Variants in UNK observed in about 807,000 individuals in gnomAD.
The protein encoded by UNK is unk zinc finger, also known as RING finger protein unkempt homolog.
UNK carries 32 observed loss-of-function variants against 97.6 expected under a neutral mutation model. The ratio of observed to expected loss-of-function variants is 0.33; its 90% CI spans 0.25 to 0.44. UNK has a LOEUF of 0.44. UNK is among the 20% of genes least tolerant of loss of function. The pLI is 1.00. For synonymous variants in UNK, 441 were observed against 461.2 expected (o/e 0.96, Z 0.56); for missense variants, 771 against 1,098.4 (o/e 0.70, Z 4.21).
chr17:75,823,342 C>G lies in UNK; in HGVS notation c.2097C>G (p.Ala699=), dbSNP rs2062086948. 1 of 1,611,520 alleles carries G rather than the reference C, an allele frequency of 6.2e-7. No homozygotes were observed. Among genetic ancestry groups the G allele is most frequent in the African/African-American group, 1.3e-5 (1 of 74,928 alleles). Reference sequence around the variant, plus strand: ...CGGCGGGCGCCGAGTGCGAGCTGGCCCGGGAGCAGCGGGATGCACTGGAGG... The same window carrying G: ...CGGCGGGCGCCGAGTGCGAGCTGGCGCGGGAGCAGCGGGATGCACTGGAGG... ...ASAAGAECEL[A]REQRDALEVQ... The change falls in exon 15 of 16, where the codon GCC becomes GCG. Residue 699 remains alanine (A), a synonymous_variant. Transcript: ENST00000589666.
intron 1 of UNK, among the ~76,000 whole-genome samples, chr17:75,803,830 A>G (rs939661370): frequency 6.6e-6 from 1 of 152,206 alleles, no homozygotes; most frequent in Non-Finnish European, 1.5e-5. Context: ...AATTTTCTGA[A>G]TGAGGAGAAT....
At chr17:75,785,115 G>A (rs1437712192) in intron 1 of UNK, 131 bp downstream of exon 1, 1 of 605,018 alleles carries the variant, frequency 1.7e-6, no homozygotes, top group Non-Finnish European at 2.8e-6. Context: ...GGCCCAGACC[G>A]GTTCCAACCT....
At chr17:75,792,675 A>G (rs1387358481) in intron 1 of UNK, 1 of 177,558 alleles carries the variant, frequency 5.6e-6, no homozygotes, top group African/African-American at 2.4e-5. Context: ...CTGTGGAGAA[A>G]GTGCATGGGA....
At chr17:75,821,581 T>C (rs1386997743) in intron 13 of UNK, 2 of 456,308 alleles carry the variant, frequency 4.4e-6, no homozygotes, top group Non-Finnish European at 8.8e-6. Flanking sequence ...ACCATGTCCC[T>C]CCTCTGTGGG....
chr17:75,792,954 C>T (rs979990931), intron 1 of UNK, among the ~76,000 whole-genome samples: 60 of 152,214 alleles, frequency 3.9e-4, no homozygotes, highest in Admixed American at 3.8e-3. Flanking sequence ...CTGTGGTTTG[C>T]GCAAAGCTCC....
intron 2 of UNK, 105 bp from the exon 3 acceptor site, chr17:75,812,004 CAAA>C (rs1213810774): frequency 8.4e-5 from 113 of 1,347,558 alleles, no homozygotes; most frequent in Non-Finnish European, 3.5e-5. Flanking sequence ...ACAAAACAAA[CAAA>C]CAACAACAAC....
intron 1 of UNK, among the ~76,000 whole-genome samples, chr17:75,798,508 G>A (rs1177713493): frequency 6.6e-6 from 1 of 151,810 alleles, no homozygotes; most frequent in Non-Finnish European, 1.5e-5. Context: ...CCAAACCACG[G>A]TTAATTTTTG....
At chr17:75,797,937 A>G (rs1359609859) in intron 1 of UNK, among the ~76,000 whole-genome samples, 2 of 152,164 alleles carry the variant, frequency 1.3e-5, no homozygotes, top group African/African-American at 4.8e-5. Context: ...TCTGGAGGCC[A>G]TCATTGTCTT....
intron 1 of UNK, among the ~76,000 whole-genome samples, chr17:75,798,939 C>T (rs1460358421): frequency 9.9e-5 from 15 of 151,882 alleles, no homozygotes; most frequent in Non-Finnish European, 7.4e-5. Flanking sequence ...TGGTGGCGGG[C>T]GCCTGTAGTC....
rs1336853315 is a variant in UNK at position 75,817,303 on chromosome 17, C to T, written c.1105-23C>T. 1.0e-5 allele frequency: 16 copies of T among 1,545,670 alleles called. No individual in the cohort carries two copies. In the East Asian group the frequency reaches 3.6e-4, roughly 35 times the overall value. On this transcript the variant is annotated intron_variant, in intron 8 of 15. Coordinates refer to ENST00000589666, the MANE Select transcript of UNK (RefSeq NM_001080419.3). This position sits in a 1 kb window ranked among gnomAD's most constrained non-coding sequence, Gnocchi z 5.8. ...AGCCTGCGCTGTGCCCACGGGCCCA[C>T]TCCCTCCCCTCCTTCTCCGCAGCTC...
rs774903801 is a variant in UNK, at chr17:75,809,817, G to A, written c.162G>A (p.Thr54=). The A allele has an allele frequency of 6.2e-6, 10 of 1,613,488 alleles. No homozygotes were observed. The East Asian group carries it at 6.7e-5, about 11-fold the overall frequency. The change falls in exon 2 of 16, where the codon ACG becomes ACA. Residue 54 remains threonine (T), a synonymous_variant. Transcript: ENST00000589666. ...QCPLFVQHKC[T]QHRPYTCFHW... The stretch of plus-strand genomic sequence containing the variant: ...CACTCTTTGTGCAACACAAATGCAC[G>A]CAGCATCGGCCCTACACCTGCTTCC...
In UNK at chr17:75,816,910, G is replaced by A. The variant is rs774383921; in HGVS notation, c.1102G>A (p.Ala368Thr). The change falls in exon 8 of 16, where the codon GCC (alanine) becomes ACC (threonine). Residue 368 changes from alanine (A) to threonine (T), a missense_variant and splice_region_variant. This residue lies in a region of UNK where 192 missense variants were observed against 202.4 expected (regional missense o/e 0.95). Transcript: ENST00000589666. The surrounding 1 kb of genome is among the most constrained non-coding windows in gnomAD (Gnocchi z 4.0). ...CAGCCCGCATGCCCCTGACCTCAGTGCCGTACGTGTCCATCCTGGGGAGTG... is the reference window on the plus strand; with the variant it reads ...CAGCCCGCATGCCCCTGACCTCAGTACCGTACGTGTCCATCCTGGGGAGTG... ...PSSPHAPDLSALLCRNSSLGS... is the reference protein window; with the variant it reads ...PSSPHAPDLSTLLCRNSSLGS... The A allele has an allele frequency of 1.7e-5, 27 of 1,601,526 alleles. No homozygotes were observed. Among genetic ancestry groups the A allele is most frequent in the Non-Finnish European group, 2.3e-5 (27 of 1,178,260 alleles).
At position 75,818,995 on chromosome 17, in the gene UNK, GC is replaced by G; in HGVS notation, c.1546+181del. On this transcript the variant is annotated intron_variant, in intron 11 of 15. Transcript: ENST00000589666. This position sits in a 1 kb window ranked among gnomAD's most constrained non-coding sequence, Gnocchi z 5.1. ...AGGGGAAATGACCCCAAGGTGTAGG[GC>G]CAGGACTGACCCTTAGAGCTCCTTT... 1 of 701,904 alleles carries G rather than the reference GC, an allele frequency of 1.4e-6. No homozygotes were observed. The highest frequency in any genetic ancestry group is 2.2e-6 in the Non-Finnish European group (1 of 450,174). The allele number at this position is 701,904 out of a possible 1,614,324, so 43.5% of individuals were successfully genotyped here.
chr17:75,793,806 A>G, intron 1 of UNK: 5 of 985,448 alleles, frequency 5.1e-6, no homozygotes, highest in South Asian at 4.7e-5. Flanking sequence ...CCACCTTCCT[A>G]TGAAATTTTG....
chr17:75,822,179 C>T (rs1311951205), intron 13 of UNK, among the ~76,000 whole-genome samples: 1 of 152,246 alleles, frequency 6.6e-6, no homozygotes, highest in Non-Finnish European at 1.5e-5. Context: ...CTTCCTGAGT[C>T]CCCTGAGTTA....
chr17:75,791,767 A>G, intron 1 of UNK: 1 of 985,372 alleles, frequency 1.0e-6, no homozygotes, highest in Non-Finnish European at 1.2e-6. Context: ...CAGCTATGTT[A>G]GATACTAAAG....
chr17:75,800,538 A>G (rs1211556398), intron 1 of UNK, among the ~76,000 whole-genome samples: 1 of 151,208 alleles, frequency 6.6e-6, no homozygotes, highest in Non-Finnish European at 1.5e-5. Flanking sequence ...GGAGATTGAG[A>G]CCATCCTGGC....
rs1227413549 is a variant in UNK at position 75,818,699 on chromosome 17, A to G, written c.1429A>G (p.Ile477Val). Residue 477 changes from isoleucine to valine, a missense_variant, in exon 11 of 16, where the codon ATC (isoleucine) becomes GTC (valine). Coordinates refer to ENST00000589666, the MANE Select transcript of UNK (RefSeq NM_001080419.3). This position sits in a 1 kb window ranked among gnomAD's most constrained non-coding sequence, Gnocchi z 5.1. Reference sequence around the variant, plus strand: ...CCTGACCTCAAGCATCTCTTCTAGTATCACCTCCAGCCTGGCAGCTACCCC... The same window carrying G: ...CCTGACCTCAAGCATCTCTTCTAGTGTCACCTCCAGCCTGGCAGCTACCCC... The part of the protein sequence containing the change: ...SPLTSSISSS[I>V]TSSLAATPPS... The G allele has an allele frequency of 2.5e-6, 4 of 1,612,578 alleles. No individual in the cohort carries two copies. In the South Asian group the frequency reaches 4.4e-5, roughly 18 times the overall value.
chr17:75,817,848 C>T lies in UNK; in HGVS notation c.1306-255C>T, dbSNP rs2143809150. ...GCCTGGGGAAGCAGGACACAGGGGT[C>T]CCTAACTGGGCCTGGAGAGATACCT... On this transcript the variant is annotated intron_variant, in intron 9 of 15. Coordinates refer to ENST00000589666, the MANE Select transcript of UNK (RefSeq NM_001080419.3). The surrounding 1 kb of genome is among the most constrained non-coding windows in gnomAD (Gnocchi z 5.8). Among the ~76,000 whole-genome samples the T allele has an allele frequency of 6.6e-6, 1 of 152,142 alleles. No individual in the cohort carries two copies. The highest frequency in any genetic ancestry group is 2.4e-5 in the African/African-American group (1 of 41,494).
Sources: allele counts gnomAD v4.1 joint callset (sites outside exome capture counted in the v4.1 genomes callset), GRCh38; gene constraint gnomAD v4.1.1; regional missense constraint gnomAD v4.1.1; non-coding constraint Gnocchi (gnomAD v3.1); transcripts MANE v1.5; gene names NCBI Gene and HGNC (gene_info 2026-07-23, HGNC 2026-07-21).